The following FBF1 variants were observed in gnomAD, a reference collection of about 807,000 sequenced individuals.
The protein encoded by FBF1 is Fas binding factor 1.
A neutral mutation model predicts 147.2 loss-of-function variants in FBF1; 119 were observed. That is an observed-to-expected ratio of 0.81 (90% CI 0.70 to 0.94). The LOEUF is 0.94. Among genes scored for constraint, FBF1 ranks in the 40% least tolerant of loss-of-function variants. The pLI is 0.00. For synonymous variants in FBF1, 601 were observed against 609.0 expected, an observed-to-expected ratio of 0.99 and a Z score of 0.19; for missense variants, 1,449 against 1,500.8, an observed-to-expected ratio of 0.97 and a Z score of 0.57.
chr17:75,913,144 CTTTTTT>C (rs869041751), intron 28 of FBF1, among the ~76,000 whole-genome samples: 1 of 124,046 alleles, frequency 8.1e-6, no homozygotes, highest in Non-Finnish European at 1.7e-5. Flanking sequence ...TTGAGGGTGA[CTTTTTT>C]TTTTTTTTTT....
At position 75,919,699 on chromosome 17, in the gene FBF1, G is replaced by C; in HGVS notation, c.2107C>G (p.Gln703Glu). The change falls in exon 20 of 30, where the codon CAG (glutamine) becomes GAG (glutamate). Residue 703 changes from glutamine (Q) to glutamate (E), a missense_variant. Transcript: ENST00000636174. This position sits in a 1 kb window ranked among gnomAD's most constrained non-coding sequence, Gnocchi z 5.0. The stretch of plus-strand genomic sequence containing the variant: ...AGCTCCCGGAGCCGCTCCATTTCCT[G>C]GTCCTTCTCCTGCGCTATGGCCGCC... The part of the protein sequence containing the change: ...RLAAIAQEKD[Q>E]EMERLRELQR... 1.9e-6 allele frequency: 3 copies of C among 1,611,442 alleles called. No individual in the cohort carries two copies. The highest frequency in any genetic ancestry group is 2.5e-6 in the Non-Finnish European group (3 of 1,179,330).
At chr17:75,916,409 C>T (rs1238917114) in intron 23 of FBF1, among the ~76,000 whole-genome samples, 1 of 152,096 alleles carries the variant, frequency 6.6e-6, no homozygotes, top group African/African-American at 2.4e-5. Flanking sequence ...TGCTTGAGCC[C>T]AGGAGTTCAA....
At chr17:75,927,567 G>T (rs1452478248) in intron 8 of FBF1, 35 bp from the exon 9 acceptor site, 2 of 1,557,386 alleles carry the variant, frequency 1.3e-6, no homozygotes, top group Non-Finnish European at 1.7e-6. Flanking sequence ...ATGGGCCTGA[G>T]TCTCTCCTGG....
Position 75,938,244 on chromosome 17 carries a change from AATTAAAGTGGT to A in FBF1, c.-83-23_-83-13del. 6.4e-7 allele frequency: 1 copy of A among 1,561,934 alleles called. No individual in the cohort carries two copies. The highest frequency in any genetic ancestry group is 8.8e-7 in the Non-Finnish European group (1 of 1,140,894). On this transcript the variant is annotated splice_polypyrimidine_tract_variant and intron_variant, in intron 1 of 29. Transcript: ENST00000636174. ...CAGGCTCATACTCCCTAATGAAGAA[AATTAAAGTGGT>A]TGCTTAAAAATGATGTAGCTTTGGC... is the stretch of plus-strand genomic sequence containing the variant.
intron 8 of FBF1, 134 bp from the exon 9 acceptor site, chr17:75,927,666 C>T: frequency 1.4e-6 from 1 of 737,792 alleles, no homozygotes; most frequent in Non-Finnish European, 2.3e-6. Flanking sequence ...GCCATGGGCA[C>T]AGCCAAGGGA....
Position 75,925,390 on chromosome 17 carries a change from C to T in FBF1, c.925G>A (p.Val309Met). The change falls in exon 13 of 30, where the codon GTG becomes ATG. Residue 309 changes from valine (V) to methionine (M), a missense_variant. By Grantham distance (21) the Val-to-Met change is conservative. Coordinates refer to ENST00000636174, the MANE Select transcript of FBF1 (RefSeq NM_001319193.2). The surrounding 1 kb of genome is among the most constrained non-coding windows in gnomAD (Gnocchi z 5.0). ...DFTFGAYQPT[V>M]VSSEGRQSRR... ...GACTGCCGGCCCTCAGAGGAGACCA[C>T]AGTGGGCTGATAGGCTCCAAAGGTG... 1 of 1,613,690 alleles carries T rather than the reference C, an allele frequency of 6.2e-7. No individual in the cohort carries two copies. The highest frequency in any genetic ancestry group is 2.2e-5 in the East Asian group (1 of 44,886).
rs1292097438 is a variant in FBF1, at chr17:75,938,003, C to T, written c.3+144G>A. ...GGTCGTCGAAAGTTTGGTATCAATG[C>T]CACCTCCTGTCACTCTTCTCCAGGG... On this transcript the variant is annotated intron_variant, in intron 2 of 29. Coordinates refer to ENST00000636174, the MANE Select transcript of FBF1 (RefSeq NM_001319193.2). 4.0e-6 allele frequency: 5 copies of T among 1,264,074 alleles called. No homozygotes were observed. In the South Asian group the frequency reaches 5.3e-5, roughly 13 times the overall value. The allele number at this position is 1,264,074 out of a possible 1,614,324, so 78.3% of individuals were successfully genotyped here.
At chr17:75,929,948 C>CT in intron 7 of FBF1, 49 bp downstream of exon 7, 2 of 404,070 alleles carry the variant, frequency 4.9e-6, no homozygotes, top group East Asian at 7.2e-5. Flanking sequence ...TATCATGACC[C>CT]CACCCCACCC....
chr17:75,921,811 G>C (rs1428168243), intron 15 of FBF1, 134 bp downstream of exon 15: 2 of 830,960 alleles, frequency 2.4e-6, no homozygotes, highest in Admixed American at 2.3e-5. Context: ...GACGGAGCAG[G>C]GTGGGCAGCC....
chr17:75,935,583 A>G (rs1460567345), intron 4 of FBF1, 49 bp downstream of exon 4: 15 of 1,516,954 alleles, frequency 9.9e-6, no homozygotes, highest in Non-Finnish European at 1.1e-5. Flanking sequence ...AAGAAAAAAA[A>G]GCAACAGCAG....
chr17:75,927,053 C>T (rs1030388636), intron 9 of FBF1, among the ~76,000 whole-genome samples, 176 bp from the exon 10 acceptor site: 1 of 152,126 alleles, frequency 6.6e-6, no homozygotes, highest in African/African-American at 2.4e-5. Flanking sequence ...AAAGACAGGC[C>T]GGGCAAGGAG....
intron 28 of FBF1, 54 bp downstream of exon 28, chr17:75,913,648 G>C: frequency 6.9e-7 from 1 of 1,444,732 alleles, no homozygotes; most frequent in Admixed American, 2.2e-5. Flanking sequence ...CCCACTCCTA[G>C]CACTGCCCCT....
chr17:75,933,169 C>T (rs1479226950), intron 4 of FBF1, 81 bp from the exon 5 acceptor site: 6 of 1,090,158 alleles, frequency 5.5e-6, no homozygotes, highest in Middle Eastern at 2.0e-4. Flanking sequence ...AAGCTCCCTT[C>T]CCAAGCTGTC....
Position 75,920,337 on chromosome 17 carries a change from G to A in FBF1, c.1767C>T (p.Ser589=). The part of the protein sequence containing the change: ...LLAAQVQLQC[S]PAELQAELLH... ...GCAGCTCGGCCTGGAGCTCAGCGGG[G>A]CTGCACTGAAGTTGCACCTGTGCTG... The change falls in exon 18 of 30, where the codon AGC becomes AGT. Residue 589 remains serine, a synonymous_variant. Coordinates refer to ENST00000636174, the MANE Select transcript of FBF1 (RefSeq NM_001319193.2). 6.2e-7 allele frequency: 1 copy of A among 1,610,258 alleles called. No homozygotes were observed. The highest frequency in any genetic ancestry group is 8.5e-7 in the Non-Finnish European group (1 of 1,178,868).
chr17:75,931,665 T>C (rs950923781), intron 5 of FBF1, among the ~76,000 whole-genome samples: 4 of 151,532 alleles, frequency 2.6e-5, no homozygotes, highest in Non-Finnish European at 4.4e-5. Flanking sequence ...GCACCTGTAA[T>C]CCCAGCTACT....
At chr17:75,920,589 C>T (rs1017724671) in intron 17 of FBF1, among the ~76,000 whole-genome samples, 160 bp from the exon 18 acceptor site, 1 of 152,186 alleles carries the variant, frequency 6.6e-6, no homozygotes, top group African/African-American at 2.4e-5. Flanking sequence ...TGCGGCTAAG[C>T]AGTCCCCAGT....
At chr17:75,921,403 G>A in intron 16 of FBF1, 69 bp downstream of exon 16, 1 of 1,558,858 alleles carries the variant, frequency 6.4e-7, no homozygotes. Flanking sequence ...GGACCCCAAA[G>A]GAAGCTCAAA....
chr17:75,921,142 A>AT, intron 17 of FBF1, 102 bp downstream of exon 17: 2 of 1,256,456 alleles, frequency 1.6e-6, no homozygotes, highest in South Asian at 1.3e-5. Flanking sequence ...TGTTTGACAC[A>AT]TTTTTCCTGG....
rs2144188809 is a variant in FBF1, at chr17:75,931,269, A to G, written c.188T>C (p.Val63Ala). 1 of 1,584,644 alleles carries G rather than the reference A, an allele frequency of 6.3e-7. No homozygotes were observed. The highest frequency in any genetic ancestry group is 8.6e-7 in the Non-Finnish European group (1 of 1,165,552). ...ARTKSLLGDD[V>A]FSTMAGLEEA... ...TTCCAGGCCTGCCATGGTGCTGAAG[A>G]CATCATCACCCAGGAGGGACCTGCA... The change falls in exon 6 of 30, where the codon GTC becomes GCC. Residue 63 changes from valine (V) to alanine (A), a missense_variant. Physicochemically the swap from Val to Ala is moderately conservative, Grantham distance 64 (BLOSUM62 0). Coordinates refer to ENST00000636174, the MANE Select transcript of FBF1 (RefSeq NM_001319193.2).
Sources: allele counts gnomAD v4.1 joint callset (sites outside exome capture counted in the v4.1 genomes callset), GRCh38; gene constraint gnomAD v4.1.1; non-coding constraint Gnocchi (gnomAD v3.1); transcripts MANE v1.5; gene names NCBI Gene and HGNC (gene_info 2026-07-23, HGNC 2026-07-21).